TMEM221: variants seen among roughly 807,000 people sequenced by gnomAD.
TMEM221 encodes Putative transmembrane protein ENSP00000342162.
TMEM221 carries 11 observed loss-of-function variants against 10.2 expected under a neutral mutation model. The ratio of observed to expected loss-of-function variants is 1.08; its 90% CI spans 0.68 to 1.79. TMEM221 has a LOEUF of 1.79. Ranked by LOEUF, TMEM221 falls within the 40% of genes most tolerant of loss-of-function variation. The pLI, the probability that TMEM221 is intolerant of heterozygous loss-of-function variation, is 0.00. For synonymous variants in TMEM221, 172 were observed against 199.8 expected, an observed-to-expected ratio of 0.86 and a Z score of 1.18; for missense variants, 382 against 417.7, an observed-to-expected ratio of 0.91 and a Z score of 0.75.
intron 1 of TMEM221, among the ~76,000 whole-genome samples, chr19:17,446,286 G>C (rs1460449328): frequency 6.6e-6 from 1 of 152,082 alleles, no homozygotes; most frequent in East Asian, 1.9e-4. Context: ...CTATATGCAT[G>C]AGTCCACTCA....
intron 2 of TMEM221, among the ~76,000 whole-genome samples, chr19:17,443,787 T>C (rs1463549622): frequency 1.3e-5 from 2 of 152,134 alleles, no homozygotes; most frequent in South Asian, 2.1e-4. Flanking sequence ...GATTCAGCAT[T>C]GAGTCCGCAG....
rs545853436 is a variant in TMEM221 at position 17,448,470 on chromosome 19, G to A, written c.-8C>T. 2 of 1,468,134 alleles carry A rather than the reference G, an allele frequency of 1.4e-6. No individual in the cohort carries two copies. Among genetic ancestry groups the A allele is most frequent in the South Asian group, 1.3e-5 (1 of 78,348 alleles). The allele number at this position is 1,468,134 out of a possible 1,614,324, so 90.9% of individuals were successfully genotyped here. A position where few individuals can be genotyped will look rare whatever the true frequency, so the allele number is the denominator to read the frequency against. On this transcript the variant is annotated 5_prime_UTR_variant, in exon 1 of 3. Transcript: ENST00000341130. The surrounding 1 kb of genome is among the most constrained non-coding windows in gnomAD (Gnocchi z 4.7). ...GCCGTAAGAACGGGCCATGGCGGGG[G>A]TTCCTGCGGGCCGGGGGAAGAGTTG...
chr19:17,444,979 T>C, intron 2 of TMEM221: 1 of 391,824 alleles, frequency 2.6e-6, no homozygotes, highest in Middle Eastern at 6.6e-4. Context: ...TCTCAGAATC[T>C]CCTCAAGTGA....
intron 2 of TMEM221, among the ~76,000 whole-genome samples, chr19:17,437,721 C>T (rs1463797217): frequency 1.3e-5 from 2 of 151,972 alleles, no homozygotes; most frequent in East Asian, 3.9e-4. Context: ...GAGTGAGACT[C>T]AGTCTGAACA....
At position 17,436,892 on chromosome 19, in the gene TMEM221, C is replaced by A; in HGVS notation, c.442G>T (p.Glu148Ter). 1 of 1,432,596 alleles carries A rather than the reference C, an allele frequency of 7.0e-7. No homozygotes were observed. 88.7% of individuals were successfully genotyped at this position (1,432,596 alleles called of 1,614,324 possible). ...SIYALLLFEI[E>*]TGAAAASILG... ...ATGGAAGCAGCTGCTGCGCCTGTCT[C>A]GATCTCGAAAAGTAGCAAGGCATAG... is the stretch of plus-strand genomic sequence containing the variant. The change falls in exon 3 of 3, where the codon GAG (glutamate) becomes TAG (stop). Residue 148 changes from glutamate (E) to a stop codon, truncating the protein, a stop_gained. Transcript: ENST00000341130. LOFTEE classifies it low-confidence loss of function (END_TRUNC).
At position 17,448,538 on chromosome 19, in the gene TMEM221, T is replaced by C; in HGVS notation, c.-76A>G. 2 of 1,071,614 alleles carry C rather than the reference T, an allele frequency of 1.9e-6. No homozygotes were observed. Among genetic ancestry groups the C allele is most frequent in the Non-Finnish European group, 1.2e-6 (1 of 834,106 alleles). The allele number at this position is 1,071,614 out of a possible 1,614,324, so 66.4% of individuals were successfully genotyped here. ...TAGAGGGCAGGGGAGTTGGGGGGAA[T>C]CCGAGGGTCCTCAGGGGGTCCCCGA... On this transcript the variant is annotated 5_prime_UTR_variant, in exon 1 of 3. Coordinates refer to ENST00000341130, the MANE Select transcript of TMEM221 (RefSeq NM_001190844.2). The surrounding 1 kb of genome is among the most constrained non-coding windows in gnomAD (Gnocchi z 4.7).
Position 17,444,796 on chromosome 19 carries a change from T to TTATATATA in TMEM221, c.406+395_406+402dup, listed in dbSNP as rs371520559. 273 of 129,408 alleles carry TTATATATA rather than the reference T, an allele frequency of 2.1e-3. 3 individuals carry two copies. Among genetic ancestry groups the TTATATATA allele is most frequent in the African/African-American group, 7.4e-3 (260 of 35,220 alleles). 8.0% of individuals were successfully genotyped at this position (129,408 alleles called of 1,614,324 possible). On this transcript the variant is annotated intron_variant, in intron 2 of 2. Transcript: ENST00000341130. ...TATTTATATATTTAATAAATATATATTATATATATATATAGTTTTTTTTTT... is the reference window on the plus strand; with the variant it reads ...TATTTATATATTTAATAAATATATATTATATATATATATATATATATAGTTTTTTTTTT...
chr19:17,442,088 G>T (rs2074934229), intron 2 of TMEM221, among the ~76,000 whole-genome samples: 1 of 151,848 alleles, frequency 6.6e-6, no homozygotes, highest in Non-Finnish European at 1.5e-5. Context: ...TATTCCCTAG[G>T]TCTTTAATAT....
intron 2 of TMEM221, among the ~76,000 whole-genome samples, chr19:17,442,382 C>G (rs2074935290): frequency 6.6e-6 from 1 of 151,790 alleles, no homozygotes; most frequent in African/African-American, 2.4e-5. Context: ...CTTCAGCCTC[C>G]TGAGTAGCTG....
Position 17,436,905 on chromosome 19 carries a change from T to C in TMEM221, c.429A>G (p.Leu143=), listed in dbSNP as rs2074912065. The part of the protein sequence containing the change: ...YLAALSIYAL[L]LFEIETGAAA... ...CTGCGCCTGTCTCGATCTCGAAAAGTAGCAAGGCATAGATGGACAGTGCTA... is the reference window on the plus strand; with the variant it reads ...CTGCGCCTGTCTCGATCTCGAAAAGCAGCAAGGCATAGATGGACAGTGCTA... The change falls in exon 3 of 3, where the codon CTA becomes CTG. Residue 143 remains leucine, a synonymous_variant. Transcript: ENST00000341130. The C allele has an allele frequency of 6.3e-6, 9 of 1,430,306 alleles. No homozygotes were observed. Among genetic ancestry groups the C allele is most frequent in the Non-Finnish European group, 8.2e-6 (9 of 1,094,672 alleles). The allele number at this position is 1,430,306 out of a possible 1,614,324, so 88.6% of individuals were successfully genotyped here.
chr19:17,436,162 A>ATGGC lies in TMEM221; in HGVS notation c.*292_*295dup, dbSNP rs1241083208. The ATGGC allele has an allele frequency of 3.5e-6, 1 of 286,910 alleles. No homozygotes were observed. Among genetic ancestry groups the ATGGC allele is most frequent in the African/African-American group, 2.2e-5 (1 of 45,812 alleles). The allele number at this position is 286,910 out of a possible 1,614,324, so 17.8% of individuals were successfully genotyped here. On this transcript the variant is annotated 3_prime_UTR_variant, in exon 3 of 3. Transcript: ENST00000341130. ...TTCCCAGCCTCCCCTGCAGCAAGGT[A>ATGGC]TGGCCATTTCGCTCTGTTCTGGCCA...
intron 2 of TMEM221, among the ~76,000 whole-genome samples, chr19:17,444,425 G>A (rs1367115808): frequency 6.7e-6 from 1 of 148,808 alleles, no homozygotes; most frequent in Non-Finnish European, 1.5e-5. Context: ...GAAAATTTTT[G>A]TTCAAACAAA....
rs576991388 is a variant in TMEM221, at chr19:17,448,468, G to C, written c.-6C>G. ...CCGCCGTAAGAACGGGCCATGGCGG[G>C]GGTTCCTGCGGGCCGGGGGAAGAGT... On this transcript the variant is annotated 5_prime_UTR_variant, in exon 1 of 3. Transcript: ENST00000341130. The surrounding 1 kb of genome is among the most constrained non-coding windows in gnomAD (Gnocchi z 4.7). 2.0e-6 allele frequency: 3 copies of C among 1,469,744 alleles called. No homozygotes were observed. Among genetic ancestry groups the C allele is most frequent in the Non-Finnish European group, 2.7e-6 (3 of 1,115,436 alleles). 91.0% of individuals were successfully genotyped at this position (1,469,744 alleles called of 1,614,324 possible).
intron 1 of TMEM221, among the ~76,000 whole-genome samples, chr19:17,446,861 G>A (rs1240755655): frequency 6.6e-6 from 1 of 151,984 alleles, no homozygotes. Flanking sequence ...CCTCTTAAGT[G>A]TATGGGACTA....
chr19:17,440,521 G>A (rs955273247), intron 2 of TMEM221, among the ~76,000 whole-genome samples: 7 of 152,050 alleles, frequency 4.6e-5, no homozygotes, highest in Admixed American at 1.3e-4. Context: ...CACCGCGTCC[G>A]GCCTAAAATG....
At chr19:17,444,847 G>A (rs1368769426) in intron 2 of TMEM221, 2 of 105,846 alleles carry the variant, frequency 1.9e-5, no homozygotes, top group South Asian at 2.8e-4. Flanking sequence ...GTTTTGTTAT[G>A]TTGCCCAGGC....
chr19:17,436,462 A>G lies in TMEM221; in HGVS notation c.872T>C (p.Val291Ala). The part of the protein sequence containing the change: ...PGSMGKDSTL[V>A] ...CTCTATTCCTCATCCCTGGGCTCACACCAGTGTGGAGTCCTTCCCCATGCT... is the reference window on the plus strand; with the variant it reads ...CTCTATTCCTCATCCCTGGGCTCACGCCAGTGTGGAGTCCTTCCCCATGCT... The change falls in exon 3 of 3, where the codon GTG becomes GCG. Residue 291 changes from valine (V) to alanine (A), a missense_variant. Physicochemically the swap from Val to Ala is moderately conservative, Grantham distance 64 (BLOSUM62 0). Transcript: ENST00000341130. 1 of 1,513,574 alleles carries G rather than the reference A, an allele frequency of 6.6e-7. No homozygotes were observed. The highest frequency in any genetic ancestry group is 1.2e-5 in the South Asian group (1 of 81,432). 93.8% of individuals were successfully genotyped at this position (1,513,574 alleles called of 1,614,324 possible).
chr19:17,436,505 G>T lies in TMEM221; in HGVS notation c.829C>A (p.Leu277Met), dbSNP rs915531572. 5.9e-6 allele frequency: 9 copies of T among 1,534,494 alleles called. No homozygotes were observed. The African/African-American group carries it at 8.2e-5, about 14-fold the overall frequency. Reference sequence around the variant, plus strand: ...CCCATGCTCCCTGGTCTGTGGCCCAGCATTCGACGCATCTCGTGCGTAACC... The same window carrying T: ...CCCATGCTCCCTGGTCTGTGGCCCATCATTCGACGCATCTCGTGCGTAACC... ...DGVTHEMRRM[L>M]GHRPGSMGKD... Residue 277 changes from leucine to methionine, a missense_variant, in exon 3 of 3, where the codon CTG becomes ATG. Leu to Met is a conservative substitution (Grantham distance 15). Transcript: ENST00000341130.
intron 2 of TMEM221, among the ~76,000 whole-genome samples, chr19:17,440,628 A>T (rs1034349190): frequency 2.0e-5 from 3 of 152,080 alleles, no homozygotes; most frequent in Admixed American, 2.0e-4. Context: ...GGATTGGGAG[A>T]CTGAGGCAGG....
Sources: allele counts gnomAD v4.1 joint callset (sites outside exome capture counted in the v4.1 genomes callset), GRCh38; gene constraint gnomAD v4.1.1; non-coding constraint Gnocchi (gnomAD v3.1); transcripts MANE v1.5; gene names NCBI Gene and HGNC (gene_info 2026-07-23, HGNC 2026-07-21).